PPM1H: variants seen among roughly 807,000 people sequenced by gnomAD.
The protein encoded by PPM1H is protein phosphatase 1H.
PPM1H carries 27 observed loss-of-function variants against 54.9 expected under a neutral mutation model. The observed-to-expected ratio is 0.49, with a 90% confidence interval of 0.36 to 0.68. PPM1H has a LOEUF of 0.68. PPM1H is among the 30% of genes least tolerant of loss of function. The probability of loss-of-function intolerance (pLI) is 0.00; values close to 1 mark genes in which losing one functional copy is unlikely to be tolerated. For missense variants in PPM1H, 596 were observed against 667.8 expected (o/e 0.89, Z 1.19); for synonymous variants, 305 against 270.8 (o/e 1.13, Z -1.24).
intron 2 of PPM1H, among the ~76,000 whole-genome samples, chr12:62,807,245 T>C (rs184476592): frequency 1.1e-4 from 17 of 152,240 alleles, no homozygotes; most frequent in Admixed American, 8.5e-4. Flanking sequence ...AAAAAAACCA[T>C]TGACTGAAGT....
chr12:62,733,597 C>T (rs1225786888), intron 5 of PPM1H, among the ~76,000 whole-genome samples: 1 of 152,110 alleles, frequency 6.6e-6, no homozygotes, highest in Non-Finnish European at 1.5e-5. Context: ...TCTCTAATTC[C>T]CTCAAGTATT....
At chr12:62,804,668 TTTTTTTTC>T (rs1389354553) in intron 2 of PPM1H, among the ~76,000 whole-genome samples, 91 of 141,476 alleles carry the variant, frequency 6.4e-4, no homozygotes, top group Admixed American at 8.2e-4. Flanking sequence ...GTTAATTTCT[TTTTTTTTC>T]TTTTTTTTTT....
chr12:62,783,409 T>C (rs553319677), intron 4 of PPM1H, among the ~76,000 whole-genome samples: 15 of 152,360 alleles, frequency 9.8e-5, no homozygotes, highest in African/African-American at 3.6e-4. Context: ...TAATTAGAAC[T>C]TCTTTATTTA....
At chr12:62,765,254 C>T (rs1037634795) in intron 4 of PPM1H, among the ~76,000 whole-genome samples, 1 of 152,148 alleles carries the variant, frequency 6.6e-6, no homozygotes, top group African/African-American at 2.4e-5. Flanking sequence ...GGAATCAGAA[C>T]TGATGTGTGA....
At chr12:62,907,444 C>G (rs962164028) in intron 1 of PPM1H, among the ~76,000 whole-genome samples, 1 of 152,176 alleles carries the variant, frequency 6.6e-6, no homozygotes, top group African/African-American at 2.4e-5. Context: ...CCACCAAACC[C>G]TGCAGGCTCT....
At chr12:62,749,532 C>T (rs944731241) in intron 4 of PPM1H, among the ~76,000 whole-genome samples, 2 of 152,248 alleles carry the variant, frequency 1.3e-5, no homozygotes, top group East Asian at 3.9e-4. Context: ...AGCTGAGGGA[C>T]AAGCCAGGGT....
chr12:62,779,164 A>G (rs1020785818), intron 4 of PPM1H, among the ~76,000 whole-genome samples: 7 of 151,968 alleles, frequency 4.6e-5, no homozygotes, highest in African/African-American at 1.7e-4. Flanking sequence ...CAGCCTTCCA[A>G]GTAGCTGGGA....
intron 7 of PPM1H, 110 bp from the exon 8 acceptor site, chr12:62,689,916 C>A (rs974850607): frequency 1.5e-6 from 1 of 684,658 alleles, no homozygotes; most frequent in Non-Finnish European, 2.5e-6. Context: ...GTTCCTCCTG[C>A]CCAGATATGT....
chr12:62,724,189 G>A (rs895790535), intron 5 of PPM1H, among the ~76,000 whole-genome samples: 26 of 152,248 alleles, frequency 1.7e-4, no homozygotes, highest in Admixed American at 8.5e-4. Flanking sequence ...AGTTTGCCCT[G>A]TTTCCTTGGG....
At chr12:62,811,216 G>A (rs541745930) in intron 2 of PPM1H, among the ~76,000 whole-genome samples, 1 of 152,276 alleles carries the variant, frequency 6.6e-6, no homozygotes, top group East Asian at 1.9e-4. Flanking sequence ...ATGTATCTAT[G>A]CACGCATTAA....
At chr12:62,727,072 G>A (rs1163552156) in intron 5 of PPM1H, among the ~76,000 whole-genome samples, 1 of 152,008 alleles carries the variant, frequency 6.6e-6, no homozygotes, top group African/African-American at 2.4e-5. Flanking sequence ...CCGCTACCAT[G>A]CCCAGCAAAT....
chr12:62,651,862 ATTATT>A (rs754728778), intron 9 of PPM1H, among the ~76,000 whole-genome samples: 8 of 152,180 alleles, frequency 5.3e-5, no homozygotes, highest in Non-Finnish European at 1.2e-4. Flanking sequence ...AATACTGCTG[ATTATT>A]TTATCCTTAA....
In PPM1H at chr12:62,866,547, C is replaced by T. The variant is rs114142995; in HGVS notation, c.246-34268G>A. Among the ~76,000 whole-genome samples, 977 of 152,194 alleles carry T rather than the reference C, an allele frequency of 6.4e-3. 5 individuals are homozygous for T. Among genetic ancestry groups the T allele is most frequent in the African/African-American group, 0.022 (916 of 41,494 alleles). On this transcript the variant is annotated intron_variant, in intron 1 of 9. Coordinates refer to ENST00000228705, the MANE Select transcript of PPM1H (RefSeq NM_020700.2). The stretch of plus-strand genomic sequence containing the variant: ...TCAGCTACTATGTCATGAGGGCACA[C>T]GGCAAAGAACTGAGGTTTCCTACCA...
At chr12:62,712,993 C>A (rs1449095390) in intron 6 of PPM1H, among the ~76,000 whole-genome samples, 1 of 152,162 alleles carries the variant, frequency 6.6e-6, no homozygotes, top group Non-Finnish European at 1.5e-5. Context: ...CATCCACTTC[C>A]TTGTCAGCCT....
chr12:62,752,473 G>A (rs909968680), intron 4 of PPM1H, among the ~76,000 whole-genome samples: 1 of 152,168 alleles, frequency 6.6e-6, no homozygotes, highest in Non-Finnish European at 1.5e-5. Flanking sequence ...TTCCATTCAT[G>A]TGTTCAGATC....
chr12:62,655,720 G>A (rs912182746), intron 9 of PPM1H, among the ~76,000 whole-genome samples: 1 of 152,176 alleles, frequency 6.6e-6, no homozygotes, highest in Non-Finnish European at 1.5e-5. Flanking sequence ...GCCGGAGCCC[G>A]ATGCTTCTGG....
chr12:62,845,159 G>A (rs574207497), intron 1 of PPM1H, among the ~76,000 whole-genome samples: 2 of 152,328 alleles, frequency 1.3e-5, no homozygotes, highest in East Asian at 3.9e-4. Flanking sequence ...AAATTCCAAA[G>A]GTCTAAACAG....
chr12:62,803,607 T>A (rs936320592), intron 2 of PPM1H, among the ~76,000 whole-genome samples: 1 of 151,756 alleles, frequency 6.6e-6, no homozygotes. Flanking sequence ...GAAAAAAACA[T>A]GGGGGAAAAA....
intron 1 of PPM1H, among the ~76,000 whole-genome samples, chr12:62,909,223 T>C (rs1333518740): frequency 3.9e-5 from 6 of 152,238 alleles, no homozygotes; most frequent in Admixed American, 3.9e-4. Context: ...CAAACTGACA[T>C]CATCTTATAC....
Sources: allele counts gnomAD v4.1 joint callset (sites outside exome capture counted in the v4.1 genomes callset), GRCh38; gene constraint gnomAD v4.1.1; transcripts MANE v1.5; gene names NCBI Gene and HGNC (gene_info 2026-07-23, HGNC 2026-07-21).